The following VTI1A variants were observed in gnomAD, a reference collection of about 807,000 sequenced individuals.
VTI1A encodes vesicle transport through interaction with t-SNAREs 1A.
A neutral mutation model predicts 34.9 loss-of-function variants in VTI1A; 22 were observed. The observed-to-expected ratio is 0.63, with a 90% CI of 0.45 to 0.90. VTI1A has a LOEUF of 0.90. Among genes scored for constraint, VTI1A ranks in the 40% least tolerant of loss-of-function variants. The pLI is 0.00. For missense variants in VTI1A, 268 were observed against 275.6 expected, an observed-to-expected ratio of 0.97 and a Z score of 0.20; for synonymous variants, 87 against 97.3, an observed-to-expected ratio of 0.89 and a Z score of 0.62.
At chr10:112,752,701 G>C in intron 7 of VTI1A, 1 of 397,160 alleles carries the variant, frequency 2.5e-6, no homozygotes, top group Non-Finnish European at 3.4e-6. Flanking sequence ...ACTATGGATT[G>C]TTTTCTGTAT....
intron 5 of VTI1A, among the ~76,000 whole-genome samples, chr10:112,644,268 G>T (rs1007718678): frequency 6.6e-6 from 1 of 152,178 alleles, no homozygotes; most frequent in African/African-American, 2.4e-5. Flanking sequence ...AGGTACAAAA[G>T]AAACTGCTTA....
At chr10:112,472,228 A>G (rs140095504) in intron 3 of VTI1A, among the ~76,000 whole-genome samples, 1 of 152,354 alleles carries the variant, frequency 6.6e-6, no homozygotes, top group South Asian at 2.1e-4. Flanking sequence ...ATCCCAGGTC[A>G]GTGGTGCCCG....
intron 7 of VTI1A, among the ~76,000 whole-genome samples, chr10:112,796,400 C>G (rs908749271): frequency 1.3e-5 from 1 of 74,462 alleles, no homozygotes; most frequent in African/African-American, 4.0e-5. Context: ...AGCAAGACTC[C>G]GTCAAAAAAA....
chr10:112,815,471 G>T lies in VTI1A; in HGVS notation c.*88G>T. 8.3e-7 allele frequency: 1 copy of T among 1,208,200 alleles called. No homozygotes were observed. The allele number at this position is 1,208,200 out of a possible 1,614,324, so 74.8% of individuals were successfully genotyped here. On this transcript the variant is annotated 3_prime_UTR_variant, in exon 8 of 8. Transcript: ENST00000393077. ...GTCACATGAATCATTCTGTTGCGCT[G>T]ACAGGCCCCAGGTGACCCTCTCTCT...
At chr10:112,572,980 A>G (rs1852200585) in intron 5 of VTI1A, among the ~76,000 whole-genome samples, 1 of 152,012 alleles carries the variant, frequency 6.6e-6, no homozygotes, top group Admixed American at 6.6e-5. Flanking sequence ...TTGTCTGGAA[A>G]GTTCTTTTTC....
chr10:112,685,164 T>C (rs1243172746), intron 7 of VTI1A, among the ~76,000 whole-genome samples: 10 of 152,232 alleles, frequency 6.6e-5, no homozygotes, highest in Non-Finnish European at 4.4e-5. Context: ...CACAGAACTT[T>C]AAATCTGCAA....
chr10:112,594,383 C>A (rs935524142), intron 5 of VTI1A, among the ~76,000 whole-genome samples: 3 of 152,122 alleles, frequency 2.0e-5, no homozygotes, highest in Non-Finnish European at 2.9e-5. Context: ...TCACTGTTCA[C>A]AGACGACATG....
intron 5 of VTI1A, among the ~76,000 whole-genome samples, chr10:112,584,740 T>G (rs188096320): frequency 1.3e-3 from 202 of 152,294 alleles, no homozygotes; most frequent in Admixed American, 2.1e-3. Flanking sequence ...CCGTGGAGTA[T>G]AGATAGAATT....
At chr10:112,638,501 A>C (rs1846448403) in intron 5 of VTI1A, among the ~76,000 whole-genome samples, 1 of 152,182 alleles carries the variant, frequency 6.6e-6, no homozygotes, top group Non-Finnish European at 1.5e-5. Flanking sequence ...TTATCTTATA[A>C]CAACACCCTA....
the VTI1A span, chr10:112,825,382 C>T: frequency 3.3e-5 from 5 of 152,314 alleles, no homozygotes; most frequent in African/African-American, 1.2e-4. Context: ...GGCATGGTGG[C>T]AGCAGTCCCC....
chr10:112,753,954 G>T (rs1851190898), intron 7 of VTI1A, among the ~76,000 whole-genome samples: 1 of 152,134 alleles, frequency 6.6e-6, no homozygotes, highest in South Asian at 2.1e-4. Flanking sequence ...AAGAAGAACA[G>T]TATACACAGC....
At chr10:112,805,885 A>G (rs1231168934) in intron 7 of VTI1A, among the ~76,000 whole-genome samples, 2 of 152,142 alleles carry the variant, frequency 1.3e-5, no homozygotes, top group African/African-American at 4.8e-5. Context: ...GGAGACAATA[A>G]CTTTCTGTTG....
intron 7 of VTI1A, among the ~76,000 whole-genome samples, chr10:112,780,161 G>T (rs1187656809): frequency 6.7e-6 from 1 of 149,784 alleles, no homozygotes; most frequent in Non-Finnish European, 1.5e-5. Flanking sequence ...GGTGGCATGT[G>T]CCTGTAATCC....
At chr10:112,597,389 T>G (rs1161731955) in intron 5 of VTI1A, among the ~76,000 whole-genome samples, 1 of 152,070 alleles carries the variant, frequency 6.6e-6, no homozygotes, top group African/African-American at 2.4e-5. Context: ...TGGCTAATTT[T>G]GTATTTTTAG....
the VTI1A span, among the ~76,000 whole-genome samples, chr10:112,843,610 G>A: frequency 6.6e-6 from 1 of 152,156 alleles, no homozygotes; most frequent in Non-Finnish European, 1.5e-5. Flanking sequence ...TCTATGTGTG[G>A]AGTTAACACC....
intron 7 of VTI1A, among the ~76,000 whole-genome samples, chr10:112,723,552 C>T (rs541965139): frequency 3.9e-5 from 6 of 152,274 alleles, no homozygotes; most frequent in East Asian, 1.9e-4. Context: ...GTACTGCATG[C>T]GGCAGGCTGA....
At chr10:112,848,429 AC>A in the VTI1A span, among the ~76,000 whole-genome samples, 7 of 152,162 alleles carry the variant, frequency 4.6e-5, no homozygotes, top group African/African-American at 7.2e-5. Context: ...GTTACAGATG[AC>A]CTGATGACAC....
chr10:112,597,941 C>T (rs1795535395), intron 5 of VTI1A, among the ~76,000 whole-genome samples: 1 of 151,860 alleles, frequency 6.6e-6, no homozygotes, highest in Non-Finnish European at 1.5e-5. Flanking sequence ...TCATGATCCG[C>T]CCGCCTCTGC....
At chr10:112,559,356 T>C (rs1177004900) in intron 5 of VTI1A, among the ~76,000 whole-genome samples, 5 of 152,222 alleles carry the variant, frequency 3.3e-5, no homozygotes, top group Non-Finnish European at 7.3e-5. Context: ...CTTTACTTTG[T>C]ATATCTGGAA....
Sources: allele counts gnomAD v4.1 joint callset (sites outside exome capture counted in the v4.1 genomes callset), GRCh38; gene constraint gnomAD v4.1.1; transcripts MANE v1.5; gene names NCBI Gene and HGNC (gene_info 2026-07-23, HGNC 2026-07-21).